The following NHSL2 variants were observed in gnomAD, a reference collection of about 807,000 sequenced individuals.
NHSL2 encodes the protein NHS-like protein 2.
Under a neutral mutation model 53.4 loss-of-function variants are expected in NHSL2, and 27 were observed. That is an observed-to-expected ratio of 0.51 (90% CI 0.37 to 0.70). NHSL2 has a LOEUF of 0.70. NHSL2 is among the 30% of genes least tolerant of loss of function. The probability of loss-of-function intolerance (pLI) is 0.00; values close to 1 mark genes in which losing one functional copy is unlikely to be tolerated. For missense variants in NHSL2, 892 were observed against 980.1 expected, an observed-to-expected ratio of 0.91 and a Z score of 1.20; for synonymous variants, 408 against 404.1, an observed-to-expected ratio of 1.01 and a Z score of -0.12.
chrX:71,973,770 A>G (rs1037612997), intron 1 of NHSL2, among the ~76,000 whole-genome samples: 1 of 111,787 alleles, frequency 8.9e-6, no homozygotes, highest in Non-Finnish European at 1.9e-5. Context: ...CTGCCCTACA[A>G]GCTGGGACTG....
At chrX:72,057,245 A>C (rs2042374838) in intron 1 of NHSL2, among the ~76,000 whole-genome samples, 1 of 112,179 alleles carries the variant, frequency 8.9e-6, no homozygotes, top group Non-Finnish European at 1.9e-5. Flanking sequence ...TATCCATGCA[A>C]GGTCCTTAAA....
intron 1 of NHSL2, among the ~76,000 whole-genome samples, chrX:71,965,057 T>G (rs1292761445): frequency 8.9e-6 from 1 of 111,753 alleles, no homozygotes; most frequent in Admixed American, 9.5e-5. Context: ...TCTACTCAAT[T>G]TTTCTATGAA....
intron 1 of NHSL2, among the ~76,000 whole-genome samples, chrX:71,961,817 C>A (rs868841318): frequency 5.4e-5 from 6 of 111,358 alleles, no homozygotes; most frequent in African/African-American, 1.6e-4. Context: ...TACAGGCATG[C>A]ACCACCATGT....
At chrX:72,033,160 T>A (rs1283318781) in intron 1 of NHSL2, among the ~76,000 whole-genome samples, 1 of 108,017 alleles carries the variant, frequency 9.3e-6, no homozygotes, top group African/African-American at 3.4e-5. Context: ...ATGAAGCCTA[T>A]AAATCAATTT....
intron 1 of NHSL2, among the ~76,000 whole-genome samples, chrX:71,922,235 A>ATTC (rs1463060132): frequency 8.0e-5 from 9 of 112,375 alleles, no homozygotes; most frequent in African/African-American, 2.9e-4. Context: ...AAGGAAGAGG[A>ATTC]CTGGGGCAAA....
At chrX:72,131,203 G>T (rs763777825) in intron 1 of NHSL2, 1 of 1,199,520 alleles carries the variant, frequency 8.3e-7, no homozygotes, top group Non-Finnish European at 1.1e-6. Context: ...CCCGTCGGGG[G>T]TGCTGCGATC....
At chrX:71,952,882 C>A (rs1311342770) in intron 1 of NHSL2, among the ~76,000 whole-genome samples, 1 of 111,860 alleles carries the variant, frequency 8.9e-6, no homozygotes, top group East Asian at 2.8e-4. Flanking sequence ...ATCTTGCATT[C>A]TCATCAGGAA....
At chrX:71,976,150 C>T (rs2041947176) in intron 1 of NHSL2, among the ~76,000 whole-genome samples, 1 of 111,401 alleles carries the variant, frequency 9.0e-6, no homozygotes, top group Admixed American at 9.5e-5. Flanking sequence ...TGCCCCTCCC[C>T]GCCCAGTCTA....
At position 72,137,124 on chromosome X, in the gene NHSL2, G is replaced by A. The variant is rs951264979; in HGVS notation, c.791G>A (p.Arg264Gln). ...CAGTTTGATAAACATGCAAGTTTGC[G>A]ACACTCGTTGTTTAACACAGAGACA... The part of the protein sequence containing the change: ...GQQFDKHASL[R>Q]HSLFNTETAV... The change falls in exon 5 of 8, where the codon CGA (arginine) becomes CAA (glutamine). Residue 264 changes from arginine to glutamine, a missense_variant. Physicochemically the swap from Arg to Gln is conservative, Grantham distance 43. Coordinates refer to ENST00000633930, the MANE Select transcript of NHSL2 (RefSeq NM_001013627.3). The A allele has an allele frequency of 2.0e-5, 23 of 1,164,239 alleles. No individual in the cohort carries two copies. Among genetic ancestry groups the A allele is most frequent in the East Asian group, 6.5e-5 (2 of 30,680 alleles).
chrX:72,118,151 T>C (rs902430407), intron 1 of NHSL2, among the ~76,000 whole-genome samples: 4 of 111,645 alleles, frequency 3.6e-5, no homozygotes, highest in African/African-American at 9.8e-5. Context: ...TTGACTTTTT[T>C]ATTATAGCCA....
Position 72,028,319 on chromosome X carries a change from AG to A in NHSL2, c.281-103758del, listed in dbSNP as rs768449997. ...ACTCAGCTGAAAGGGGGAAGCACAA[AG>A]GAAGAGGTAGAGAAGGCAAACTGGG... On this transcript the variant is annotated intron_variant, in intron 1 of 7. Coordinates refer to ENST00000633930, the MANE Select transcript of NHSL2 (RefSeq NM_001013627.3). Among the ~76,000 whole-genome samples, 6 of 112,871 alleles carry A rather than the reference AG, an allele frequency of 5.3e-5. 1 individual carries two copies. The highest frequency in any genetic ancestry group is 1.6e-4 in the African/African-American group (5 of 31,112).
At chrX:72,055,125 G>T (rs2042361611) in intron 1 of NHSL2, among the ~76,000 whole-genome samples, 1 of 111,718 alleles carries the variant, frequency 9.0e-6, no homozygotes, top group Non-Finnish European at 1.9e-5. Context: ...TCCATTTCCA[G>T]TGTACACTTT....
At chrX:72,109,823 T>C (rs4076909) in intron 1 of NHSL2, among the ~76,000 whole-genome samples, 11,262 of 111,196 alleles carry the variant, frequency 0.1, 1,056 homozygotes, top group African/African-American at 0.3. Flanking sequence ...TGCTGCTTTA[T>C]ATGGCTAACT....
intron 1 of NHSL2, among the ~76,000 whole-genome samples, chrX:71,988,163 C>T (rs1052118398): frequency 6.3e-5 from 7 of 111,767 alleles, no homozygotes; most frequent in African/African-American, 2.3e-4. Flanking sequence ...GAGTTGCTCA[C>T]GGAGGCCAGA....
intron 1 of NHSL2, among the ~76,000 whole-genome samples, chrX:71,973,575 T>A (rs1015985416): frequency 1.5e-4 from 17 of 109,758 alleles, no homozygotes; most frequent in Non-Finnish European, 2.9e-4. Context: ...GTGGGGAGAG[T>A]TCCTGGTTCT....
intron 1 of NHSL2, among the ~76,000 whole-genome samples, chrX:71,918,830 A>G (rs1397841823): frequency 8.9e-6 from 1 of 112,391 alleles, no homozygotes; most frequent in Non-Finnish European, 1.9e-5. Flanking sequence ...TTACACATTC[A>G]ATAATAGGGG....
At chrX:72,073,868 G>T (rs1002447498) in intron 1 of NHSL2, among the ~76,000 whole-genome samples, 1 of 112,374 alleles carries the variant, frequency 8.9e-6, no homozygotes, top group South Asian at 3.7e-4. Flanking sequence ...CTTGCTTGTG[G>T]TAGGGCTAGC....
chrX:72,088,388 C>T (rs1027909908), intron 1 of NHSL2, among the ~76,000 whole-genome samples: 9 of 112,368 alleles, frequency 8.0e-5, no homozygotes, highest in African/African-American at 2.6e-4. Context: ...TTAACTTTAC[C>T]GAGTCTGGAA....
chrX:71,972,044 T>C, intron 1 of NHSL2, among the ~76,000 whole-genome samples: 1 of 111,469 alleles, frequency 9.0e-6, no homozygotes. Flanking sequence ...TTTACTTTTT[T>C]TTTTTTCTGA....
Sources: allele counts gnomAD v4.1 joint callset (sites outside exome capture counted in the v4.1 genomes callset), GRCh38; gene constraint gnomAD v4.1.1; transcripts MANE v1.5; gene names NCBI Gene and HGNC (gene_info 2026-07-23, HGNC 2026-07-21).